The following TRAPPC6A variants were observed in gnomAD, a reference collection of about 807,000 sequenced individuals.
TRAPPC6A encodes the protein trafficking protein particle complex subunit 6A, also known as TRAPP complex subunit 6A.
In TRAPPC6A, 25 loss-of-function variants were observed where a neutral mutation model predicts 20.8. That is an observed-to-expected ratio of 1.20 (90% confidence interval 0.88 to 1.68). The LOEUF (loss-of-function observed/expected upper bound fraction) is 1.68. Ranked by LOEUF, TRAPPC6A falls within the 40% of genes most tolerant of loss-of-function variation. The probability of loss-of-function intolerance (pLI) is 0.00; values close to 1 mark genes in which losing one functional copy is unlikely to be tolerated. For missense variants in TRAPPC6A, 215 were observed against 211.6 expected, an observed-to-expected ratio of 1.02 and a Z score of -0.10; for synonymous variants, 96 against 93.3, an observed-to-expected ratio of 1.03 and a Z score of -0.16.
chr19:45,169,214 A>T (rs915584781), intron 1 of TRAPPC6A, among the ~76,000 whole-genome samples: 1 of 152,236 alleles, frequency 6.6e-6, no homozygotes, highest in Non-Finnish European at 1.5e-5. Context: ...GCCTGGGTCC[A>T]GATCCGCCCC....
At chr19:45,169,581 C>T (rs530889749) in intron 1 of TRAPPC6A, among the ~76,000 whole-genome samples, 1 of 152,374 alleles carries the variant, frequency 6.6e-6, no homozygotes, top group Non-Finnish European at 1.5e-5. Flanking sequence ...CATTCACAGC[C>T]TCCACATCTG....
intron 3 of TRAPPC6A, 116 bp from the exon 4 acceptor site, chr19:45,164,363 G>A: frequency 1.4e-6 from 1 of 692,244 alleles, no homozygotes; most frequent in Non-Finnish European, 2.4e-6. Context: ...CCCCCTTCCT[G>A]AGAACCACTG....
intron 1 of TRAPPC6A, among the ~76,000 whole-genome samples, chr19:45,166,529 T>C (rs1969156209): frequency 6.6e-6 from 1 of 151,656 alleles, no homozygotes; most frequent in Non-Finnish European, 1.5e-5. Context: ...TTTTTTTTTT[T>C]TTTCATTCGG....
rs141158542 is a variant in TRAPPC6A at position 45,163,992 on chromosome 19, G to A, written c.372C>T (p.Cys124=). 2.2e-4 allele frequency: 346 copies of A among 1,574,594 alleles called. No homozygotes were observed. In the African/African-American group the frequency reaches 2.9e-3, roughly 13 times the overall value. The change falls in exon 5 of 6, where the codon TGC becomes TGT. Residue 124 remains cysteine (C), a synonymous_variant. Coordinates refer to ENST00000585934, the MANE Select transcript of TRAPPC6A (RefSeq NM_001270891.2). This position sits in a 1 kb window ranked among gnomAD's most constrained non-coding sequence, Gnocchi z 5.3. ...EEAPKFLAFT[C]GLLRGALYTL... The stretch of plus-strand genomic sequence containing the variant: ...TATAGAGGGCGCCGCGCAGGAGGCC[G>A]CAGGTGAAGGCCAGGAACTGAGGAG...
At chr19:45,177,391 A>G (rs961234587) in intron 1 of TRAPPC6A, among the ~76,000 whole-genome samples, 4 of 151,706 alleles carry the variant, frequency 2.6e-5, no homozygotes, top group Non-Finnish European at 4.4e-5. Flanking sequence ...CCTAGGCTGG[A>G]GTGCAATGGC....
chr19:45,170,083 C>G (rs1281221016), intron 1 of TRAPPC6A, among the ~76,000 whole-genome samples: 1 of 152,102 alleles, frequency 6.6e-6, no homozygotes, highest in Non-Finnish European at 1.5e-5. Flanking sequence ...CCGGAGGTGG[C>G]AGGTATTCCA....
intron 1 of TRAPPC6A, among the ~76,000 whole-genome samples, chr19:45,176,239 G>A (rs927052144): frequency 2.6e-5 from 4 of 151,356 alleles, no homozygotes; most frequent in Admixed American, 6.6e-5. Context: ...GGCAGATCAC[G>A]AGGTCAGATC....
chr19:45,171,554 A>G (rs1969268998), intron 1 of TRAPPC6A, among the ~76,000 whole-genome samples: 1 of 152,224 alleles, frequency 6.6e-6, no homozygotes, highest in South Asian at 2.1e-4. Context: ...GTTCCTGGAA[A>G]TGAACAAATA....
intron 1 of TRAPPC6A, among the ~76,000 whole-genome samples, chr19:45,166,200 C>T (rs1359659238): frequency 1.3e-5 from 2 of 151,652 alleles, no homozygotes; most frequent in Admixed American, 1.3e-4. Flanking sequence ...GCGTGAGCCA[C>T]CGCGCCTGGC....
chr19:45,170,274 G>C (rs1339716482), intron 1 of TRAPPC6A, among the ~76,000 whole-genome samples: 1 of 152,248 alleles, frequency 6.6e-6, no homozygotes, highest in East Asian at 1.9e-4. Flanking sequence ...CCCTGCTGGA[G>C]CTGGCGTTTC....
chr19:45,165,229 T>C (rs1236991985), intron 1 of TRAPPC6A, 35 bp from the exon 2 acceptor site: 15 of 1,561,022 alleles, frequency 9.6e-6, no homozygotes, highest in Non-Finnish European at 1.2e-5. Context: ...CAGGGGCCCT[T>C]AGCCACCACG....
At position 45,165,162 on chromosome 19, in the gene TRAPPC6A, A is replaced by G; in HGVS notation, c.117T>C (p.Gly39=). The G allele has an allele frequency of 6.2e-7, 1 of 1,607,976 alleles. No individual in the cohort carries two copies. Among genetic ancestry groups the G allele is most frequent in the African/African-American group, 1.3e-5 (1 of 74,584 alleles). The part of the protein sequence containing the change: ...GQKMSLSVLE[G]MGFRVGQALG... Reference sequence around the variant, plus strand: ...GAGCCTGGCCCACACGGAACCCCATACCCTCCAGGACCGACAGGCTCATCT... The same window carrying G: ...GAGCCTGGCCCACACGGAACCCCATGCCCTCCAGGACCGACAGGCTCATCT... The change falls in exon 2 of 6, where the codon GGT becomes GGC. Residue 39 remains glycine (G), a synonymous_variant. Coordinates refer to ENST00000585934, the MANE Select transcript of TRAPPC6A (RefSeq NM_001270891.2).
In TRAPPC6A at chr19:45,173,182, CA is replaced by C. The variant is rs1230933526; in HGVS notation, c.84+4952del. On this transcript the variant is annotated intron_variant, in intron 1 of 5. Coordinates refer to ENST00000585934, the MANE Select transcript of TRAPPC6A (RefSeq NM_001270891.2). This position sits in a 1 kb window ranked among gnomAD's most constrained non-coding sequence, Gnocchi z 4.8. ...TTTGCCCAAAGGCTTCCCTTGTCTT[CA>C]AAGCCTCTGAGGTAGAAAAGCCACG... Among the ~76,000 whole-genome samples, 1 of 151,726 alleles carries C rather than the reference CA, an allele frequency of 6.6e-6. No homozygotes were observed. The highest frequency in any genetic ancestry group is 6.6e-5 in the Admixed American group (1 of 15,246).
intron 1 of TRAPPC6A, among the ~76,000 whole-genome samples, chr19:45,167,545 C>T (rs1404197631): frequency 6.6e-6 from 1 of 152,220 alleles, no homozygotes; most frequent in African/African-American, 2.4e-5. Context: ...TGCAACGGCG[C>T]GATCTCAGCT....
Position 45,163,948 on chromosome 19 carries a change from A to G in TRAPPC6A, c.416T>C (p.Val139Ala). ...CAGGGCTGCCACGGAGGCGGTGACC[A>G]CGCTCTCAATGCCCAGGGTATAGAG... ...GALYTLGIES[V>A]VTASVAALPV... is the part of the protein sequence containing the mutation. Residue 139 changes from valine to alanine, a missense_variant, in exon 5 of 6, where the codon GTG (valine) becomes GCG (alanine). Val to Ala is a moderately conservative substitution (Grantham distance 64). Transcript: ENST00000585934. The surrounding 1 kb of genome is among the most constrained non-coding windows in gnomAD (Gnocchi z 5.3). The G allele has an allele frequency of 6.3e-7, 1 of 1,582,276 alleles. No homozygotes were observed. The highest frequency in any genetic ancestry group is 8.6e-7 in the Non-Finnish European group (1 of 1,164,772).
In TRAPPC6A at chr19:45,163,338, G is replaced by A. The variant is rs1470285198; in HGVS notation, c.449-115C>T. 7 of 1,194,600 alleles carry A rather than the reference G, an allele frequency of 5.9e-6. No individual in the cohort carries two copies. In the African/African-American group the frequency reaches 6.1e-5, roughly 10 times the overall value. The allele number at this position is 1,194,600 out of a possible 1,614,324, so 74.0% of individuals were successfully genotyped here. A position where few individuals can be genotyped will look rare whatever the true frequency, so the allele number is the denominator to read the frequency against. On this transcript the variant is annotated intron_variant, in intron 5 of 5. Coordinates refer to ENST00000585934, the MANE Select transcript of TRAPPC6A (RefSeq NM_001270891.2). This position sits in a 1 kb window ranked among gnomAD's most constrained non-coding sequence, Gnocchi z 5.3. ...CACTGACACCCCAGTGGCTAGGTTG[G>A]GCTGTTTCCTCCCGCCCACGGGGCC...
In TRAPPC6A at chr19:45,172,409, C is replaced by T. The variant is rs1021715555; in HGVS notation, c.84+5726G>A. Among the ~76,000 whole-genome samples the T allele has an allele frequency of 2.6e-5, 4 of 151,630 alleles. No individual in the cohort carries two copies. Among genetic ancestry groups the T allele is most frequent in the Non-Finnish European group, 4.4e-5 (3 of 68,020 alleles). The stretch of plus-strand genomic sequence containing the variant: ...TGTCTCTTGTGTCTGCCCTACCCCT[C>T]GATTGTTCTCTAGGCACCTGCTAGC... On this transcript the variant is annotated intron_variant, in intron 1 of 5. Coordinates refer to ENST00000585934, the MANE Select transcript of TRAPPC6A (RefSeq NM_001270891.2). The surrounding 1 kb of genome is among the most constrained non-coding windows in gnomAD (Gnocchi z 4.2).
chr19:45,168,100 T>A (rs1047570018), intron 1 of TRAPPC6A, among the ~76,000 whole-genome samples: 1 of 149,702 alleles, frequency 6.7e-6, no homozygotes, highest in Non-Finnish European at 1.5e-5. Flanking sequence ...CCTCCCGGGT[T>A]CACGCCATTC....
chr19:45,164,024 C>T lies in TRAPPC6A; in HGVS notation c.355-15G>A. The T allele has an allele frequency of 6.4e-7, 1 of 1,565,522 alleles. No homozygotes were observed. Among genetic ancestry groups the T allele is most frequent in the Non-Finnish European group, 8.7e-7 (1 of 1,154,550 alleles). On this transcript the variant is annotated splice_polypyrimidine_tract_variant and intron_variant, in intron 4 of 5. Coordinates refer to ENST00000585934, the MANE Select transcript of TRAPPC6A (RefSeq NM_001270891.2). ...AAGGCCAGGAACTGAGGAGGGAACA[C>T]AGACCAGCATGGGAAGAGAGGGGAG...
Sources: allele counts gnomAD v4.1 joint callset (sites outside exome capture counted in the v4.1 genomes callset), GRCh38; gene constraint gnomAD v4.1.1; non-coding constraint Gnocchi (gnomAD v3.1); transcripts MANE v1.5; gene names NCBI Gene and HGNC (gene_info 2026-07-23, HGNC 2026-07-21).